The following PCSK4 variants were observed in gnomAD, a reference collection of about 807,000 sequenced individuals.
PCSK4 encodes proprotein convertase subtilisin/kexin type 4.
Under a neutral mutation model 80.3 loss-of-function variants are expected in PCSK4, and 64 were observed. The ratio of observed to expected loss-of-function variants is 0.80; its 90% CI spans 0.65 to 0.98. The LOEUF (loss-of-function observed/expected upper bound fraction) is 0.98. Ranked by LOEUF, PCSK4 falls within the 50% of genes least tolerant of loss-of-function variation. The probability of loss-of-function intolerance (pLI) is 0.00; values close to 1 mark genes in which losing one functional copy is unlikely to be tolerated. For missense variants in PCSK4, 1,213 were observed against 1,093.6 expected (o/e 1.11, Z -1.54); for synonymous variants, 561 against 487.6 (o/e 1.15, Z -1.98).
intron 8 of PCSK4, among the ~76,000 whole-genome samples, chr19:1,485,183 A>T (rs922094765): frequency 2.6e-5 from 4 of 151,888 alleles, no homozygotes; most frequent in Admixed American, 1.3e-4. Flanking sequence ...AAGGACTCCA[A>T]GGACTGAGTT....
intron 2 of PCSK4, 82 bp downstream of exon 2, chr19:1,489,711 A>G: frequency 6.5e-7 from 1 of 1,533,950 alleles, no homozygotes. Flanking sequence ...CATAACAACC[A>G]CGAGAACCAC....
chr19:1,490,613 G>A (rs139042829), upstream of PCSK4: 505 of 427,500 alleles, frequency 1.2e-3, 4 homozygotes, highest in East Asian at 0.018. Context: ...CCAGAGAAGC[G>A]GGTTCACTGT....
At chr19:1,490,424 C>G, upstream of PCSK4, 1 of 576,786 alleles carries the variant, frequency 1.7e-6, no homozygotes, top group Non-Finnish European at 2.9e-6. Context: ...GCGTCCGACC[C>G]GCCCCCGGCG....
chr19:1,487,957 G>T lies in PCSK4; in HGVS notation c.516+7C>A, dbSNP rs2084727962. On this transcript the variant is annotated splice_region_variant and intron_variant, in intron 4 of 14. Transcript: ENST00000300954. ...CAGCCCTCGCCCACAGCCACCCGCGGTCTCACGTAGTTGGCCCAGAGGTCC... is the reference window on the plus strand; with the variant it reads ...CAGCCCTCGCCCACAGCCACCCGCGTTCTCACGTAGTTGGCCCAGAGGTCC... The T allele has an allele frequency of 6.2e-7, 1 of 1,607,084 alleles. No homozygotes were observed.
At chr19:1,486,257 G>A (rs1051322641) in intron 8 of PCSK4, among the ~76,000 whole-genome samples, 7 of 152,102 alleles carry the variant, frequency 4.6e-5, no homozygotes, top group East Asian at 1.9e-4. Flanking sequence ...GATTACAGGC[G>A]CGAGCCACTG....
chr19:1,481,755 A>C, exon 15 of PCSK4: 6 of 1,504,560 alleles, frequency 4.0e-6, no homozygotes, highest in Non-Finnish European at 4.4e-6. Context: ...CTGAGCTGAC[A>C]ACTTCAGGTT....
chr19:1,486,298 T>C (rs1417015747), intron 8 of PCSK4, among the ~76,000 whole-genome samples: 2 of 143,198 alleles, frequency 1.4e-5, no homozygotes, highest in Non-Finnish European at 3.1e-5. Context: ...TATTGATTGA[T>C]TGATTGATTG....
chr19:1,490,473 T>G (rs981448967), upstream of PCSK4: 12 of 531,586 alleles, frequency 2.3e-5, no homozygotes, highest in Non-Finnish European at 3.6e-5. Context: ...CAGGGGGCCT[T>G]GCGGCTACTC....
chr19:1,490,294 A>G, exon 1 of PCSK4: 1 of 1,565,976 alleles, frequency 6.4e-7, no homozygotes, highest in Admixed American at 1.8e-5. Flanking sequence ...GGGGCGGACA[A>G]GGGCCAGGGC....
In PCSK4 at chr19:1,489,781, G is replaced by A; in HGVS notation, c.294+12C>T. The A allele has an allele frequency of 6.2e-7, 1 of 1,604,776 alleles. No homozygotes were observed. The highest frequency in any genetic ancestry group is 1.1e-5 in the South Asian group (1 of 89,478). On this transcript the variant is annotated intron_variant, in intron 2 of 14. Transcript: ENST00000300954. ...ACCCCGGGCAGGGGGTTGGCCTCCA[G>A]GCCAGGCTCACCTTGGGGTTTTTCT...
At chr19:1,483,288 T>C (rs752221247) in exon 12 of PCSK4, 1 of 1,590,512 alleles carries the variant, frequency 6.3e-7, no homozygotes. Context: ...GCTCACCGTA[T>C]GGCCACGAGT....
At chr19:1,487,345 C>G (rs376175947) in intron 6 of PCSK4, 32 bp from the exon 7 acceptor site, 134 of 1,514,934 alleles carry the variant, frequency 8.8e-5, no homozygotes, top group Non-Finnish European at 1.2e-4. Flanking sequence ...GCCGCTGCCA[C>G]CGGCCCTGCC....
chr19:1,482,252 C>T, intron 14 of PCSK4, 45 bp from the exon 15 acceptor site: 1 of 1,524,588 alleles, frequency 6.6e-7, no homozygotes. Context: ...TTGCCACCCG[C>T]AGCCTGTTAC....
Position 1,490,334 on chromosome 19 carries a change from G to T in PCSK4, c.13C>A (p.Pro5Thr), listed in dbSNP as rs778870886. 1.1e-5 allele frequency: 14 copies of T among 1,329,154 alleles called. 1 individual carries two copies. In the African/African-American group the frequency reaches 1.2e-4, roughly 11 times the overall value. The allele number at this position is 1,329,154 out of a possible 1,614,324, so 82.3% of individuals were successfully genotyped here. The change falls in exon 1 of 15, where the codon CCG (proline) becomes ACG (threonine). Residue 5 changes from proline to threonine, a missense_variant. By Grantham distance (38) the Pro-to-Thr change is conservative (BLOSUM62 -1). Coordinates refer to ENST00000300954, the Ensembl canonical transcript of PCSK4. ...ACCAGGCGCAGCCACAGCGCAATCGGGGCGGGCCGCATGGAGGCGGGGCGG... is the reference window on the plus strand; with the variant it reads ...ACCAGGCGCAGCCACAGCGCAATCGTGGCGGGCCGCATGGAGGCGGGGCGG...
At chr19:1,481,797 GGGT>G (rs2084304970) in exon 15 of PCSK4, 1 of 1,521,422 alleles carries the variant, frequency 6.6e-7, no homozygotes, top group Non-Finnish European at 8.8e-7. Flanking sequence ...GGTTTGGTGG[GGGT>G]GGCCCTGGCA....
At position 1,489,712 on chromosome 19, in the gene PCSK4, C is replaced by G. The variant is rs562691710; in HGVS notation, c.294+81G>C. The stretch of plus-strand genomic sequence containing the variant: ...AGCACACAGCTGTTCATAACAACCA[C>G]GAGAACCACAGAAGATGGCTGGTGG... On this transcript the variant is annotated intron_variant, in intron 2 of 14. Transcript: ENST00000300954. 4.6e-6 allele frequency: 7 copies of G among 1,534,260 alleles called. No individual in the cohort carries two copies. The African/African-American group carries it at 9.6e-5, about 21-fold the overall frequency.
At chr19:1,487,447 G>T in intron 6 of PCSK4, 134 bp from the exon 7 acceptor site, 1 of 988,134 alleles carries the variant, frequency 1.0e-6, no homozygotes, top group Non-Finnish European at 1.5e-6. Flanking sequence ...GGGACCATTC[G>T]TATTGGCTCA....
At position 1,488,360 on chromosome 19, in the gene PCSK4, G is replaced by A. The variant is rs537472400; in HGVS notation, c.295-80C>T. 315 of 1,045,978 alleles carry A rather than the reference G, an allele frequency of 3.0e-4. No homozygotes were observed. The African/African-American group carries it at 3.5e-3, about 12-fold the overall frequency. The allele number at this position is 1,045,978 out of a possible 1,614,324, so 64.8% of individuals were successfully genotyped here. Reference sequence around the variant, plus strand: ...GTGGTTCAGGGAGTGAGGCAGCCCCGTGCCCTGGGACCCTGTGTTTGTGGG... The same window carrying A: ...GTGGTTCAGGGAGTGAGGCAGCCCCATGCCCTGGGACCCTGTGTTTGTGGG... On this transcript the variant is annotated intron_variant, in intron 2 of 14. Transcript: ENST00000300954.
rs370690044 is a variant in PCSK4 at position 1,483,831 on chromosome 19, G to A, written c.1273+7C>T. 1.3e-4 allele frequency: 194 copies of A among 1,489,578 alleles called. No homozygotes were observed. In the African/African-American group the frequency reaches 2.5e-3, roughly 19 times the overall value. 92.3% of individuals were successfully genotyped at this position (1,489,578 alleles called of 1,614,324 possible). ...CGGGTCCCCGCCCCCGCCCGGCCCC[G>A]CCGCACCTTGGCGCCCCACGCCGTT... On this transcript the variant is annotated splice_region_variant and intron_variant, in intron 10 of 14. Transcript: ENST00000300954.
Sources: gnomAD v4.1 joint callset for allele counts (sites outside exome capture counted in the v4.1 genomes callset) on GRCh38, gnomAD v4.1.1 for gene constraint, MANE v1.5 for transcripts, NCBI Gene and HGNC (gene_info 2026-07-23, HGNC 2026-07-21) for gene names.